LTA4H: variants seen among roughly 807,000 people sequenced by gnomAD.
The protein encoded by LTA4H is leukotriene A-4 hydrolase.
Under a neutral mutation model 89.8 loss-of-function variants are expected in LTA4H, and 59 were observed. That is an observed-to-expected ratio of 0.66 (90% CI 0.53 to 0.82). The LOEUF is 0.82. LTA4H is among the 40% of genes least tolerant of loss of function. The pLI is 0.00. For missense variants in LTA4H, 617 were observed against 727.0 expected (o/e 0.85, Z 1.74); for synonymous variants, 227 against 253.1 (o/e 0.90, Z 0.98).
upstream of LTA4H, among the ~76,000 whole-genome samples, chr12:96,039,786 A>G (rs2540484): frequency 0.13 from 19,244 of 152,300 alleles, 1,596 homozygotes; most frequent in Non-Finnish European, 0.19. Context: ...AAGACTTTAC[A>G]TTGTTTTCTC....
rs149364918 is a variant in LTA4H at position 96,027,461 on chromosome 12, G to T, written c.394C>A (p.Leu132Ile). 108 of 1,608,732 alleles carry T rather than the reference G, an allele frequency of 6.7e-5. No individual in the cohort carries two copies. Among genetic ancestry groups the T allele is most frequent in the Non-Finnish European group, 8.3e-5 (98 of 1,178,112 alleles). Residue 132 changes from leucine (L) to isoleucine (I), a missense_variant, in exon 3 of 19, where the codon CTC becomes ATC. Physicochemically the swap from Leu to Ile is conservative, Grantham distance 5 (BLOSUM62 2). Around this residue, in one of 3 missense-constraint regions of LTA4H, gnomAD observed 172 missense variants for 244.5 expected, o/e 0.70. Transcript: ENST00000228740. ...CTTTTTACCTGGCACTGACTAAAGAGATATGGGTGTTCCTTCCCAGAAGTC... is the reference window on the plus strand; with the variant it reads ...CTTTTTACCTGGCACTGACTAAAGATATATGGGTGTTCCTTCCCAGAAGTC... ...EQTSGKEHPY[L>I]FSQCQAIHCR... is the part of the protein sequence containing the mutation.
intron 16 of LTA4H, 105 bp downstream of exon 16, chr12:96,006,209 T>C (rs950160986): frequency 8.5e-6 from 5 of 588,920 alleles, no homozygotes; most frequent in African/African-American, 1.9e-5. Context: ...AATGATTTTT[T>C]CCCCATTAGT....
upstream of LTA4H, among the ~76,000 whole-genome samples, chr12:96,037,866 A>G (rs961289425): frequency 3.3e-5 from 5 of 151,804 alleles, no homozygotes; most frequent in East Asian, 9.7e-4. Context: ...TTGTGTGTGT[A>G]TTTTTAGCAG....
At chr12:96,009,184 C>A (rs142257520) in intron 14 of LTA4H, 36 bp from the exon 15 acceptor site, 6 of 1,447,410 alleles carry the variant, frequency 4.1e-6, no homozygotes, top group African/African-American at 2.8e-5. Flanking sequence ...TAAAAATGCA[C>A]GTGCTTTTGC....
intron 3 of LTA4H, 35 bp from the exon 4 acceptor site, chr12:96,024,582 T>G: frequency 2.3e-6 from 3 of 1,299,910 alleles, no homozygotes; most frequent in Non-Finnish European, 3.3e-6. Context: ...AATAGCTATT[T>G]ATCTTTCGCA....
chr12:96,024,962 C>G (rs1280274483), intron 3 of LTA4H, among the ~76,000 whole-genome samples: 1 of 152,174 alleles, frequency 6.6e-6, no homozygotes, highest in Non-Finnish European at 1.5e-5. Context: ...GCCACCACGC[C>G]TGGCCTTTTG....
At chr12:96,027,628 A>G (rs1950527306) in intron 2 of LTA4H, 64 bp from the exon 3 acceptor site, 3 of 1,007,738 alleles carry the variant, frequency 3.0e-6, no homozygotes, top group Non-Finnish European at 3.0e-6. Context: ...TTAAACTCAT[A>G]ATACATACAC....
chr12:96,036,058 C>G (rs914705706), upstream of LTA4H, among the ~76,000 whole-genome samples: 1 of 152,166 alleles, frequency 6.6e-6, no homozygotes, highest in Non-Finnish European at 1.5e-5. Flanking sequence ...CCGCCTGTCA[C>G]GCGGGAGACC....
At chr12:96,006,246 T>C (rs1950198975) in intron 16 of LTA4H, 68 bp downstream of exon 16, 1 of 897,416 alleles carries the variant, frequency 1.1e-6, no homozygotes, top group Non-Finnish European at 1.7e-6. Flanking sequence ...TTTTGCCAAG[T>C]TGGGTAGAAC....
At chr12:96,009,021 C>T in intron 15 of LTA4H, 73 bp downstream of exon 15, 1 of 1,096,690 alleles carries the variant, frequency 9.1e-7, no homozygotes, top group Non-Finnish European at 1.4e-6. Flanking sequence ...TTTAAAGTAC[C>T]CTCCCTGCTT....
rs1950630276 is a variant in LTA4H, at chr12:96,035,465, T to C, written c.55A>G (p.Thr19Ala). 6.2e-7 allele frequency: 1 copy of C among 1,609,308 alleles called. No individual in the cohort carries two copies. Among genetic ancestry groups the C allele is most frequent in the South Asian group, 1.1e-5 (1 of 90,140 alleles). ...CTGCAGCGCAGGTGCAGGTGCTTGG[T>C]CCGGCAGACGGAAGCCGGAGAGGCC... ...SLASPASVCR[T>A]KHLHLRCSVD... Residue 19 changes from threonine to alanine, a missense_variant, in exon 1 of 19, where the codon ACC becomes GCC. By Grantham distance (58) the Thr-to-Ala change is moderately conservative (BLOSUM62 0). This residue lies in a region of LTA4H where 155 missense variants were observed against 143.3 expected (regional missense o/e 1.08). Coordinates refer to ENST00000228740, the MANE Select transcript of LTA4H (RefSeq NM_000895.3).
chr12:96,024,690 C>T (rs569836429), intron 3 of LTA4H, 143 bp from the exon 4 acceptor site: 163 of 491,614 alleles, frequency 3.3e-4, no homozygotes, highest in African/African-American at 2.9e-3. Flanking sequence ...TTTTTTGAGA[C>T]GGAGTTTCAC....
intron 4 of LTA4H, among the ~76,000 whole-genome samples, chr12:96,023,702 G>A (rs1014937677): frequency 6.6e-6 from 1 of 152,230 alleles, no homozygotes. Context: ...ATTACAGTCC[G>A]CCTTTTCCAA....
At chr12:96,036,049 C>T (rs1032154560), upstream of LTA4H, among the ~76,000 whole-genome samples, 9 of 152,278 alleles carry the variant, frequency 5.9e-5, no homozygotes, top group East Asian at 1.9e-4. Flanking sequence ...TGAGTATCCC[C>T]GCCTGTCACG....
chr12:96,041,971 TTTTTG>T (rs796801024), intron 1 of LTA4H, among the ~76,000 whole-genome samples: 1,691 of 136,918 alleles, frequency 0.012, 40 homozygotes, highest in African/African-American at 0.047. Flanking sequence ...TAAACGTTTC[TTTTTG>T]TTTTTTTTTC....
At chr12:96,034,451 A>G (rs184158503) in intron 1 of LTA4H, among the ~76,000 whole-genome samples, 48 of 152,312 alleles carry the variant, frequency 3.2e-4, no homozygotes, top group African/African-American at 1.1e-3. Context: ...CTTCATTCCA[A>G]TGGTTATAGA....
intron 1 of LTA4H, among the ~76,000 whole-genome samples, chr12:96,033,742 G>A (rs1192132158): frequency 6.6e-6 from 1 of 152,118 alleles, no homozygotes; most frequent in Non-Finnish European, 1.5e-5. Context: ...GGTGTGTGAT[G>A]TTCCCCTCCC....
upstream of LTA4H, chr12:96,035,776 C>T (rs934037066): frequency 1.5e-6 from 1 of 688,106 alleles, no homozygotes; most frequent in Non-Finnish European, 2.1e-6. Flanking sequence ...TGAGGGGGAC[C>T]AAGCGTGCTC....
intron 6 of LTA4H, among the ~76,000 whole-genome samples, chr12:96,019,842 C>T (rs946316313): frequency 1.1e-4 from 17 of 151,416 alleles, no homozygotes; most frequent in South Asian, 6.2e-4. Flanking sequence ...CCTCATGATC[C>T]GCCTGCCTCG....
Sources: allele counts gnomAD v4.1 joint callset (sites outside exome capture counted in the v4.1 genomes callset), GRCh38; gene constraint gnomAD v4.1.1; regional missense constraint gnomAD v4.1.1; transcripts MANE v1.5; gene names NCBI Gene and HGNC (gene_info 2026-07-23, HGNC 2026-07-21).